The following BCL6 variants were observed in gnomAD, a reference collection of about 807,000 sequenced individuals.
BCL6 encodes B-cell lymphoma 6 protein.
A neutral mutation model predicts 59.5 loss-of-function variants in BCL6; 7 were observed. The ratio of observed to expected loss-of-function variants is 0.12; its 90% CI spans 0.07 to 0.22. The LOEUF (loss-of-function observed/expected upper bound fraction) is 0.22. Among genes scored for constraint, BCL6 ranks in the 10% least tolerant of loss-of-function variants. The pLI is 1.00. For missense variants in BCL6, 685 were observed against 939.4 expected, an observed-to-expected ratio of 0.73 and a Z score of 3.54; for synonymous variants, 339 against 349.7, an observed-to-expected ratio of 0.97 and a Z score of 0.34.
In BCL6 at chr3:187,742,861, A is replaced by G. The variant is rs553635128; in HGVS notation, c.-50+2549T>C. ...AATGTGATTTCATCTCTCTTCTTTG[A>G]GCTCATGTTTGCTACCTCCAGGAAT... On this transcript the variant is annotated intron_variant, in intron 1 of 9. Transcript: ENST00000406870. 3.3e-5 allele frequency among the ~76,000 whole-genome samples: 5 copies of G among 152,272 alleles called. No individual in the cohort carries two copies. In the South Asian group the frequency reaches 1.0e-3, roughly 32 times the overall value.
intron 1 of BCL6, among the ~76,000 whole-genome samples, chr3:187,739,581 T>A (rs1186509781): frequency 6.6e-6 from 1 of 152,184 alleles, no homozygotes; most frequent in Non-Finnish European, 1.5e-5. Context: ...CCAACAGTGC[T>A]CTTGCAAGCC....
chr3:187,742,388 A>G (rs760701020), intron 1 of BCL6, among the ~76,000 whole-genome samples: 13 of 152,220 alleles, frequency 8.5e-5, no homozygotes, highest in Non-Finnish European at 1.9e-4. Context: ...TTAGAGTCCC[A>G]TCCCTATCCA....
In BCL6 at chr3:187,721,600, T is replaced by A. The variant is rs1718415039; in HGVS notation, c.*858A>T. The A allele has an allele frequency of 4.3e-6, 1 of 233,090 alleles. No individual in the cohort carries two copies. Among genetic ancestry groups the A allele is most frequent in the African/African-American group, 2.2e-5 (1 of 45,312 alleles). 14.4% of individuals were successfully genotyped at this position (233,090 alleles called of 1,614,324 possible). On this transcript the variant is annotated 3_prime_UTR_variant, in exon 10 of 10. Transcript: ENST00000406870. This position sits in a 1 kb window ranked among gnomAD's most constrained non-coding sequence, Gnocchi z 4.2. ...AAAAGGGATGGTGCACGCTCGCCCA[T>A]CATTGAAAACTTCCGTGAAAAAAGG... is the stretch of plus-strand genomic sequence containing the variant.
intron 1 of BCL6, 51 bp downstream of exon 1, chr3:187,745,359 G>GGCGGCGGCGGCAGTAGCAGCA (rs1711904631): frequency 5.0e-6 from 2 of 397,188 alleles, no homozygotes; most frequent in South Asian, 1.2e-4. Context: ...CGGCAACAGC[G>GGCGGCGGCGGCAGTAGCAGCA]GCGGCGGCGG....
intron 1 of BCL6, among the ~76,000 whole-genome samples, chr3:187,744,126 A>G (rs540346482): frequency 3.3e-5 from 5 of 152,182 alleles, no homozygotes; most frequent in South Asian, 2.1e-4. Context: ...GCACCATGGG[A>G]AAAAATAAAA....
chr3:187,727,418 T>C (rs2177391), intron 6 of BCL6, among the ~76,000 whole-genome samples: 32,310 of 152,194 alleles, frequency 0.21, 4,561 homozygotes, highest in African/African-American at 0.41. Flanking sequence ...GAATGTAAGA[T>C]ATAGGTCAAA....
intron 1 of BCL6, chr3:187,737,539 C>T (rs1269484612): frequency 2.6e-5 from 4 of 152,616 alleles, no homozygotes; most frequent in African/African-American, 9.7e-5. Flanking sequence ...AAACACCAGC[C>T]CTGCGCGCCG....
At chr3:187,726,936 G>A (rs202106739) in intron 6 of BCL6, 38 bp from the exon 7 acceptor site, 49 of 1,607,362 alleles carry the variant, frequency 3.0e-5, no homozygotes, top group South Asian at 1.8e-4. Flanking sequence ...AAGTCAGCAC[G>A]AGGAAGGGAG....
chr3:187,744,046 T>A (rs1163455456), intron 1 of BCL6, among the ~76,000 whole-genome samples: 1 of 152,128 alleles, frequency 6.6e-6, no homozygotes, highest in African/African-American at 2.4e-5. Context: ...TCGCCCAAGG[T>A]AAGGACCTCG....
rs558391370 is a variant in BCL6 at position 187,725,375 on chromosome 3, T to G, written c.1839+124A>C. On this transcript the variant is annotated intron_variant, in intron 8 of 9. Transcript: ENST00000406870. This position sits in a 1 kb window ranked among gnomAD's most constrained non-coding sequence, Gnocchi z 4.7. ...CTTTCTCCTGCCCGCTCTGCTCACC[T>G]GCCCGCTCCGCTTGCCTGCCCGCTC... The G allele has an allele frequency of 1.1e-4, 164 of 1,528,684 alleles. 1 individual carries two copies. In the African/African-American group the frequency reaches 2.0e-3, roughly 18 times the overall value. 94.7% of individuals were successfully genotyped at this position (1,528,684 alleles called of 1,614,324 possible). A position where few individuals can be genotyped will look rare whatever the true frequency, so the allele number is the denominator to read the frequency against.
rs559040159 is a variant in BCL6 at position 187,724,468 on chromosome 3, T to A, written c.1977+473A>T. 2.0e-3 allele frequency: 306 copies of A among 155,296 alleles called. 1 individual carries two copies. The highest frequency in any genetic ancestry group is 7.0e-3 in the African/African-American group (291 of 41,580). 9.6% of individuals were successfully genotyped at this position (155,296 alleles called of 1,614,324 possible). On this transcript the variant is annotated intron_variant, in intron 9 of 9. Coordinates refer to ENST00000406870, the MANE Select transcript of BCL6 (RefSeq NM_001706.5). ...AAATGACCTTCTTTATGTTTTTTTTTAATTTTTTCCTGTAACATCATTAAT... is the reference window on the plus strand; with the variant it reads ...AAATGACCTTCTTTATGTTTTTTTTAAATTTTTTCCTGTAACATCATTAAT...
intron 1 of BCL6, among the ~76,000 whole-genome samples, chr3:187,741,718 G>C (rs1711599558): frequency 6.6e-6 from 1 of 152,138 alleles, no homozygotes; most frequent in Admixed American, 6.5e-5. Context: ...ATTCACAGAG[G>C]GCTACAGACC....
At chr3:187,726,148 A>G (rs1253301287) in intron 7 of BCL6, among the ~76,000 whole-genome samples, 1 of 152,142 alleles carries the variant, frequency 6.6e-6, no homozygotes, top group Non-Finnish European at 1.5e-5. Context: ...TAGAACAAAC[A>G]GATTTTTCCG....
chr3:187,745,002 G>GCTCCGGCCGCCCCCTAATTCCCCTCCTTC, intron 1 of BCL6, among the ~76,000 whole-genome samples: 1 of 151,578 alleles, frequency 6.6e-6, no homozygotes. Context: ...CGTCCTCTCT[G>GCTCCGGCCGCCCCCTAATTCCCCTCCTTC]CTCCGGCCGC....
rs961696998 is a variant in BCL6, at chr3:187,721,431, C to T, written c.*1027G>A. Reference sequence around the variant, plus strand: ...ATATTTGTACAGCTATATTTTACAACGCGGTAATGCAGTTTAGACACAGCC... The same window carrying T: ...ATATTTGTACAGCTATATTTTACAATGCGGTAATGCAGTTTAGACACAGCC... On this transcript the variant is annotated 3_prime_UTR_variant, in exon 10 of 10. Transcript: ENST00000406870. The surrounding 1 kb of genome is among the most constrained non-coding windows in gnomAD (Gnocchi z 4.2). 10 of 231,128 alleles carry T rather than the reference C, an allele frequency of 4.3e-5. No individual in the cohort carries two copies. Among genetic ancestry groups the T allele is most frequent in the Middle Eastern group, 2.6e-3 (2 of 770 alleles). The allele number at this position is 231,128 out of a possible 1,614,324, so 14.3% of individuals were successfully genotyped here.
At chr3:187,743,603 A>G (rs1280230096) in intron 1 of BCL6, among the ~76,000 whole-genome samples, 2 of 152,152 alleles carry the variant, frequency 1.3e-5, no homozygotes, top group Middle Eastern at 3.4e-3. Flanking sequence ...TTGCAACACT[A>G]GTTCCATTTT....
intron 1 of BCL6, among the ~76,000 whole-genome samples, chr3:187,744,847 A>G (rs530598140): frequency 2.6e-5 from 4 of 152,186 alleles, no homozygotes; most frequent in East Asian, 1.9e-4. Context: ...AAAAGAGGGA[A>G]AAAACACAGC....
chr3:187,725,479 C>A lies in BCL6; in HGVS notation c.1839+20G>T. ...GCTCCGCTCGCCTGCCCGCTCCGCT[C>A]GCCTGCCCACTCTGCTCACCTGTAC... On this transcript the variant is annotated intron_variant, in intron 8 of 9. Coordinates refer to ENST00000406870, the MANE Select transcript of BCL6 (RefSeq NM_001706.5). The surrounding 1 kb of genome is among the most constrained non-coding windows in gnomAD (Gnocchi z 4.7). 1 of 1,242,622 alleles carries A rather than the reference C, an allele frequency of 8.0e-7. No individual in the cohort carries two copies. The highest frequency in any genetic ancestry group is 1.1e-6 in the Non-Finnish European group (1 of 907,532). 77.0% of individuals were successfully genotyped at this position (1,242,622 alleles called of 1,614,324 possible).
At chr3:187,727,156 G>A (rs1718752621) in intron 6 of BCL6, among the ~76,000 whole-genome samples, 1 of 152,220 alleles carries the variant, frequency 6.6e-6, no homozygotes, top group Non-Finnish European at 1.5e-5. Flanking sequence ...AAACCAACAG[G>A]TGCTCAGAGG....
Sources: gnomAD v4.1 joint callset for allele counts (sites outside exome capture counted in the v4.1 genomes callset) on GRCh38, gnomAD v4.1.1 for gene constraint, Gnocchi (gnomAD v3.1) non-coding constraint, MANE v1.5 for transcripts, NCBI Gene and HGNC (gene_info 2026-07-23, HGNC 2026-07-21) for gene names.